The following ZNF536 variants were observed in gnomAD, a reference collection of about 807,000 sequenced individuals.
The protein encoded by ZNF536 is zinc finger protein 536.
ZNF536 carries 13 observed loss-of-function variants against 84.5 expected under a neutral mutation model. That is an observed-to-expected ratio of 0.15 (90% confidence interval 0.10 to 0.24). The LOEUF (loss-of-function observed/expected upper bound fraction) is 0.24. Ranked by LOEUF, ZNF536 falls within the 10% of genes least tolerant of loss-of-function variation. ZNF536 has a pLI of 1.00. For synonymous variants in ZNF536, 811 were observed against 742.5 expected (o/e 1.09, Z -1.50); for missense variants, 1,536 against 1,747.5 (o/e 0.88, Z 2.16).
At chr19:30,702,501 G>T (rs1344886770) in intron 1 of ZNF536, among the ~76,000 whole-genome samples, 1 of 152,168 alleles carries the variant, frequency 6.6e-6, no homozygotes, top group African/African-American at 2.4e-5. Flanking sequence ...AGGGCTCTGA[G>T]CCCTGGATAA....
intron 2 of ZNF536, among the ~76,000 whole-genome samples, chr19:30,314,813 A>G (rs952919094): frequency 2.0e-5 from 3 of 150,730 alleles, no homozygotes; most frequent in African/African-American, 7.3e-5. Context: ...ATCGCACCCA[A>G]CCCCTCCCCT....
chr19:30,666,919 T>C (rs2147665120), intron 1 of ZNF536, among the ~76,000 whole-genome samples: 1 of 152,064 alleles, frequency 6.6e-6, no homozygotes, highest in South Asian at 2.1e-4. Context: ...TTACAGAGCA[T>C]ATCAGGCAAT....
chr19:30,628,793 G>A (rs966998958), intron 1 of ZNF536, among the ~76,000 whole-genome samples: 10 of 151,816 alleles, frequency 6.6e-5, no homozygotes, highest in Admixed American at 6.6e-4. Context: ...CCACCTCCTG[G>A]GTCCTGGTTC....
intron 1 of ZNF536, among the ~76,000 whole-genome samples, chr19:30,261,814 G>A (rs561360463): frequency 6.6e-6 from 1 of 152,284 alleles, no homozygotes; most frequent in South Asian, 2.1e-4. Flanking sequence ...ACTGTGAAAG[G>A]GGGCTGTGGA....
chr19:30,574,975 G>A (rs928124960), intron 1 of ZNF536, among the ~76,000 whole-genome samples: 1 of 152,068 alleles, frequency 6.6e-6, no homozygotes, highest in African/African-American at 2.4e-5. Flanking sequence ...GCTGTAGTTC[G>A]TCATCTGGGT....
intron 2 of ZNF536, among the ~76,000 whole-genome samples, chr19:30,491,985 AAC>A (rs1415227280): frequency 6.6e-6 from 1 of 152,046 alleles, no homozygotes; most frequent in Non-Finnish European, 1.5e-5. Context: ...TAAGTACCAG[AAC>A]ACAGAGTTTT....
At chr19:30,650,579 A>G (rs942999069) in intron 1 of ZNF536, among the ~76,000 whole-genome samples, 3 of 152,004 alleles carry the variant, frequency 2.0e-5, no homozygotes, top group Admixed American at 1.3e-4. Context: ...GCAAGGAGAG[A>G]TTTTTTTTCC....
intron 2 of ZNF536, among the ~76,000 whole-genome samples, chr19:30,451,041 GC>G (rs952370364): frequency 2.6e-5 from 4 of 152,280 alleles, no homozygotes; most frequent in Non-Finnish European, 5.9e-5. Flanking sequence ...GCTCGTGTGT[GC>G]CGAAGCTGTG....
At position 30,291,013 on chromosome 19, in the gene ZNF536, T is replaced by C. The variant is rs1207563540; in HGVS notation, c.-120+6872T>C. Among the ~76,000 whole-genome samples, 4 of 152,348 alleles carry C rather than the reference T, an allele frequency of 2.6e-5. No homozygotes were observed. In the South Asian group the frequency reaches 8.3e-4, roughly 32 times the overall value. ...TTCATCCATGTCCCTGCAAAGGACA[T>C]GAACTCATCCTTTTTTATGGCTGCA... On this transcript the variant is annotated intron_variant, in intron 2 of 5. Coordinates refer to the ZNF536 transcript ENST00000585628.
intron 2 of ZNF536, among the ~76,000 whole-genome samples, chr19:30,511,851 G>A (rs772687066): frequency 1.5e-4 from 23 of 152,110 alleles, no homozygotes; most frequent in Non-Finnish European, 2.5e-4. Context: ...AGACAATCAC[G>A]AAGAATTAAA....
intron 1 of ZNF536, among the ~76,000 whole-genome samples, chr19:30,610,924 T>C (rs555864965): frequency 2.6e-5 from 4 of 152,332 alleles, no homozygotes; most frequent in Non-Finnish European, 5.9e-5. Context: ...TTGAAGAAGC[T>C]CTGTTATTTA....
chr19:30,321,231 C>T (rs1037194090), intron 2 of ZNF536, among the ~76,000 whole-genome samples: 3 of 152,212 alleles, frequency 2.0e-5, no homozygotes, highest in Admixed American at 6.5e-5. Context: ...GGCTCTGGCC[C>T]TACAACTGCC....
chr19:30,549,304 C>T lies in ZNF536; in HGVS notation c.3685C>T (p.Pro1229Ser), dbSNP rs1333097719. 6.2e-7 allele frequency: 1 copy of T among 1,612,832 alleles called. No homozygotes were observed. Among genetic ancestry groups the T allele is most frequent in the Non-Finnish European group, 8.5e-7 (1 of 1,179,486 alleles). ...QGLVSPLSQA[P>S]EKQWHSQGLL... is the part of the protein sequence containing the mutation. ...ACTGGTCTCACCTTTATCCCAAGCACCGGAGAAGCAGTGGCACAGCCAGGG... is the reference window on the plus strand; with the variant it reads ...ACTGGTCTCACCTTTATCCCAAGCATCGGAGAAGCAGTGGCACAGCCAGGG... The change falls in exon 4 of 5, where the codon CCG becomes TCG. Residue 1229 changes from proline (P) to serine (S), a missense_variant. Pro to Ser is a moderately conservative substitution (Grantham distance 74, BLOSUM62 -1). Transcript: ENST00000355537.
chr19:30,687,886 T>C (rs554137783), intron 1 of ZNF536, among the ~76,000 whole-genome samples: 2 of 152,206 alleles, frequency 1.3e-5, no homozygotes, highest in Non-Finnish European at 2.9e-5. Context: ...CACTGACTAT[T>C]ACGTATTTTC....
At chr19:30,349,886 G>A (rs1292380264) in intron 2 of ZNF536, among the ~76,000 whole-genome samples, 3 of 152,092 alleles carry the variant, frequency 2.0e-5, no homozygotes, top group Non-Finnish European at 4.4e-5. Flanking sequence ...AAATGGAGAA[G>A]TATAGTATGT....
chr19:30,560,584 C>A (rs894548245), downstream of ZNF536, among the ~76,000 whole-genome samples: 5 of 152,108 alleles, frequency 3.3e-5, no homozygotes, highest in African/African-American at 1.2e-4. Context: ...AAGAGACCAC[C>A]CCCCCGCCCC....
At chr19:30,255,222 C>T (rs1030536461) in intron 1 of ZNF536, among the ~76,000 whole-genome samples, 2 of 151,824 alleles carry the variant, frequency 1.3e-5, no homozygotes, top group Admixed American at 6.6e-5. Flanking sequence ...GGGTGATTGT[C>T]GGTGGGGTTT....
intron 1 of ZNF536, among the ~76,000 whole-genome samples, chr19:30,384,707 A>G (rs2049267339): frequency 6.6e-6 from 1 of 152,014 alleles, no homozygotes; most frequent in South Asian, 2.1e-4. Flanking sequence ...AATGGCTTGG[A>G]ATAGGGGTAC....
At chr19:30,577,247 G>A (rs191780962) in intron 1 of ZNF536, among the ~76,000 whole-genome samples, 233 of 152,230 alleles carry the variant, frequency 1.5e-3, no homozygotes, top group African/African-American at 5.4e-3. Flanking sequence ...TTGCTTCATG[G>A]TTAAGGCCTT....
Sources: allele counts gnomAD v4.1 joint callset (sites outside exome capture counted in the v4.1 genomes callset), GRCh38; gene constraint gnomAD v4.1.1; transcripts MANE v1.5; gene names NCBI Gene and HGNC (gene_info 2026-07-23, HGNC 2026-07-21).